The following CBLB variants were observed in gnomAD, a reference collection of about 807,000 sequenced individuals.
CBLB encodes the protein Cbl proto-oncogene B, also known as E3 ubiquitin-protein ligase CBL-B.
A neutral mutation model predicts 104.9 loss-of-function variants in CBLB; 31 were observed. The ratio of observed to expected loss-of-function variants is 0.30; its 90% CI spans 0.22 to 0.40. The LOEUF is 0.40. CBLB is among the 10% of genes least tolerant of loss of function. The pLI, the probability that CBLB is intolerant of heterozygous loss-of-function variation, is 1.00. For synonymous variants in CBLB, 440 were observed against 422.6 expected, an observed-to-expected ratio of 1.04 and a Z score of -0.51; for missense variants, 1,062 against 1,214.6, an observed-to-expected ratio of 0.87 and a Z score of 1.87.
intron 14 of CBLB, 161 bp from the exon 15 acceptor site, chr3:105,681,979 C>T (rs2152728807): frequency 3.3e-6 from 2 of 599,964 alleles, no homozygotes; most frequent in South Asian, 2.0e-5. Context: ...ATACTCATCC[C>T]TTATTTTAAA....
At chr3:105,797,300 GA>G (rs1278498499) in intron 3 of CBLB, among the ~76,000 whole-genome samples, 2 of 152,180 alleles carry the variant, frequency 1.3e-5, no homozygotes, top group Non-Finnish European at 2.9e-5. Context: ...GATGGAGCTG[GA>G]GGCCATTATC....
chr3:105,796,673 T>G (rs1241308165), intron 3 of CBLB, among the ~76,000 whole-genome samples: 1 of 152,146 alleles, frequency 6.6e-6, no homozygotes, highest in Non-Finnish European at 1.5e-5. Context: ...GAGAAAATAT[T>G]TGCAAACTAC....
intron 4 of CBLB, among the ~76,000 whole-genome samples, chr3:105,770,085 T>G (rs1022969187): frequency 4.0e-5 from 6 of 151,782 alleles, no homozygotes; most frequent in African/African-American, 1.2e-4. Context: ...AATTTTTGTT[T>G]TTTTTTTTTT....
chr3:105,849,410 A>G (rs2090673069), intron 3 of CBLB, among the ~76,000 whole-genome samples: 1 of 152,130 alleles, frequency 6.6e-6, no homozygotes, highest in South Asian at 2.1e-4. Context: ...CATTTAGGAC[A>G]GTGAACAAAA....
intron 9 of CBLB, among the ~76,000 whole-genome samples, chr3:105,729,372 A>C (rs928948199): frequency 6.6e-6 from 1 of 152,038 alleles, no homozygotes; most frequent in Non-Finnish European, 1.5e-5. Context: ...AATGTTTCCT[A>C]AATAAATAAA....
Position 105,812,136 on chromosome 3 carries a change from G to A in CBLB, c.420-35594C>T, listed in dbSNP as rs540345931. ...TCCATATTACTGCTTTGCTGCTAAT[G>A]GCATATACAGTTAAAGAGGACAAAT... On this transcript the variant is annotated intron_variant, in intron 3 of 18. Transcript: ENST00000394030. 9.1e-4 allele frequency among the ~76,000 whole-genome samples: 138 copies of A among 152,124 alleles called. 1 individual carries two copies. The Middle Eastern group carries it at 0.017, about 19-fold the overall frequency.
intron 9 of CBLB, among the ~76,000 whole-genome samples, chr3:105,727,214 G>A (rs2073768944): frequency 6.6e-6 from 1 of 152,180 alleles, no homozygotes; most frequent in African/African-American, 2.4e-5. Flanking sequence ...TCCAGCATCT[G>A]TTGTTTCCTG....
chr3:105,764,937 A>G (rs1238499959), intron 4 of CBLB, among the ~76,000 whole-genome samples: 3 of 152,316 alleles, frequency 2.0e-5, no homozygotes, highest in East Asian at 1.9e-4. Flanking sequence ...CAAGGCCCCA[A>G]CTCGCTTCAA....
intron 3 of CBLB, among the ~76,000 whole-genome samples, chr3:105,830,087 G>C (rs1160282470): frequency 6.6e-6 from 1 of 152,138 alleles, no homozygotes; most frequent in African/African-American, 2.4e-5. Flanking sequence ...GTGATGCAGA[G>C]TTATCACACT....
intron 3 of CBLB, among the ~76,000 whole-genome samples, chr3:105,805,217 G>A (rs2083353420): frequency 1.3e-5 from 2 of 151,884 alleles, no homozygotes; most frequent in Admixed American, 1.3e-4. Flanking sequence ...GCATTTCTGA[G>A]CATGACATTC....
At position 105,868,989 on chromosome 3, in the gene CBLB, G is replaced by C; in HGVS notation, c.-268C>G. The C allele has an allele frequency of 1.9e-6, 2 of 1,051,212 alleles. No homozygotes were observed. Among genetic ancestry groups the C allele is most frequent in the Non-Finnish European group, 2.3e-6 (2 of 871,278 alleles). The allele number at this position is 1,051,212 out of a possible 1,614,324, so 65.1% of individuals were successfully genotyped here. A position where few individuals can be genotyped will look rare whatever the true frequency, so the allele number is the denominator to read the frequency against. On this transcript the variant is annotated 5_prime_UTR_variant, in exon 1 of 19. Coordinates refer to ENST00000394030, the MANE Select transcript of CBLB (RefSeq NM_170662.5). ...GCGGGACGCCGCAGCAGCACTAGCA[G>C]GAGGAGGAGACCGCTCGCTGGACAC... is the stretch of plus-strand genomic sequence containing the variant.
At chr3:105,868,631 G>C in intron 1 of CBLB, 105 bp downstream of exon 1, 11 of 758,648 alleles carry the variant, frequency 1.4e-5, no homozygotes, top group Non-Finnish European at 1.8e-5. Flanking sequence ...AGGCAGCTGA[G>C]AGCCAGGGCT....
rs1327946941 is a variant in CBLB, at chr3:105,771,077, C to T, written c.566+5319G>A. On this transcript the variant is annotated intron_variant, in intron 4 of 18. Transcript: ENST00000394030. ...GCCACTACCATGCTAATATCAAAACCAGGAAAAGACATAACAACAACAAAC... is the reference window on the plus strand; with the variant it reads ...GCCACTACCATGCTAATATCAAAACTAGGAAAAGACATAACAACAACAAAC... Among the ~76,000 whole-genome samples the T allele has an allele frequency of 8.5e-5, 13 of 152,166 alleles. No individual in the cohort carries two copies. In the South Asian group the frequency reaches 1.0e-3, roughly 12 times the overall value.
At chr3:105,709,438 C>T (rs1002362677) in intron 10 of CBLB, among the ~76,000 whole-genome samples, 2 of 151,594 alleles carry the variant, frequency 1.3e-5, no homozygotes, top group Admixed American at 1.3e-4. Flanking sequence ...AACATAATTT[C>T]ACTCTAGGAA....
intron 13 of CBLB, among the ~76,000 whole-genome samples, chr3:105,690,683 A>C (rs987903150): frequency 7.9e-5 from 12 of 152,194 alleles, no homozygotes; most frequent in African/African-American, 2.9e-4. Context: ...TTAGCCGGGC[A>C]TAGTGGCGGA....
At position 105,740,479 on chromosome 3, in the gene CBLB, A is replaced by G. The variant is rs778867221; in HGVS notation, c.983+15T>C. ...ATGAATCATAAGCACTCCAACTTCCATTTCTCATACTTACAATCCTTCCCT... is the reference window on the plus strand; with the variant it reads ...ATGAATCATAAGCACTCCAACTTCCGTTTCTCATACTTACAATCCTTCCCT... On this transcript the variant is annotated intron_variant, in intron 7 of 18. Coordinates refer to ENST00000394030, the MANE Select transcript of CBLB (RefSeq NM_170662.5). The G allele has an allele frequency of 2.5e-6, 4 of 1,613,906 alleles. No homozygotes were observed. Among genetic ancestry groups the G allele is most frequent in the Non-Finnish European group, 3.4e-6 (4 of 1,179,880 alleles).
intron 2 of CBLB, among the ~76,000 whole-genome samples, chr3:105,854,796 C>T (rs952039790): frequency 5.9e-5 from 9 of 152,044 alleles, no homozygotes; most frequent in African/African-American, 2.2e-4. Flanking sequence ...CCGCACCTGG[C>T]TAATTTTTAT....
In CBLB at chr3:105,659,227, C is replaced by G. The variant is rs528582920; in HGVS notation, c.2692G>C (p.Gly898Arg). 1 of 1,613,756 alleles carries G rather than the reference C, an allele frequency of 6.2e-7. No individual in the cohort carries two copies. The highest frequency in any genetic ancestry group is 1.3e-5 in the African/African-American group (1 of 74,988). Residue 898 changes from glycine to arginine, a missense_variant and splice_region_variant, in exon 19 of 19, where the codon GGT (glycine) becomes CGT (arginine). Coordinates refer to ENST00000394030, the MANE Select transcript of CBLB (RefSeq NM_170662.5). ...GGGGGTCTGGCTGGTGCCTGTGAAC[C>G]ATCTGTGTAGATTTTTAAAGAGAGA... ...DYDQLPSCSD[G>R]SQAPARPPKP...
chr3:105,707,599 T>C (rs2070363761), intron 10 of CBLB, among the ~76,000 whole-genome samples: 1 of 152,162 alleles, frequency 6.6e-6, no homozygotes, highest in African/African-American at 2.4e-5. Flanking sequence ...GCTGGTAAAA[T>C]TCAAACACTA....
Sources: gnomAD v4.1 joint callset for allele counts (sites outside exome capture counted in the v4.1 genomes callset) on GRCh38, gnomAD v4.1.1 for gene constraint, MANE v1.5 for transcripts, NCBI Gene and HGNC (gene_info 2026-07-23, HGNC 2026-07-21) for gene names.